ANKRD33B: variants seen among roughly 807,000 people sequenced by gnomAD.
ANKRD33B encodes the protein ankyrin repeat domain 33B.
In ANKRD33B, 6 loss-of-function variants were observed where a neutral mutation model predicts 21.5. The observed-to-expected ratio is 0.28, with a 90% CI of 0.15 to 0.55. The LOEUF (loss-of-function observed/expected upper bound fraction) is 0.55, where lower values mean the gene tolerates loss of function less well. Ranked by LOEUF, ANKRD33B falls within the 20% of genes least tolerant of loss-of-function variation. The pLI is 0.94. For missense variants in ANKRD33B, 698 were observed against 747.2 expected, an observed-to-expected ratio of 0.93 and a Z score of 0.77; for synonymous variants, 347 against 342.4, an observed-to-expected ratio of 1.01 and a Z score of -0.15.
chr5:10,648,751 T>G (rs183778314), intron 3 of ANKRD33B, among the ~76,000 whole-genome samples: 239 of 151,892 alleles, frequency 1.6e-3, no homozygotes, highest in Non-Finnish European at 2.8e-3. Flanking sequence ...AAGAGTGAAA[T>G]TCTGTCTCGA....
chr5:10,607,363 T>C (rs1560971890), intron 1 of ANKRD33B, among the ~76,000 whole-genome samples: 1 of 152,080 alleles, frequency 6.6e-6, no homozygotes, highest in Non-Finnish European at 1.5e-5. Context: ...TCAAGGGCAG[T>C]CAAGTCAAGA....
intron 1 of ANKRD33B, among the ~76,000 whole-genome samples, chr5:10,588,175 A>T (rs1011966898): frequency 6.6e-6 from 1 of 152,252 alleles, no homozygotes; most frequent in African/African-American, 2.4e-5. Flanking sequence ...CAAAGATGAT[A>T]AAAAAGTGAC....
chr5:10,605,716 A>G (rs537078377), intron 1 of ANKRD33B, among the ~76,000 whole-genome samples: 1 of 152,032 alleles, frequency 6.6e-6, no homozygotes, highest in South Asian at 2.1e-4. Flanking sequence ...ATTAGTAGAG[A>G]CAGGGTTTCA....
In ANKRD33B at chr5:10,576,230, T is replaced by G. The variant is rs1735318363; in HGVS notation, c.366+11397T>G. 6.6e-6 allele frequency among the ~76,000 whole-genome samples: 1 copy of G among 152,156 alleles called. No individual in the cohort carries two copies. Among genetic ancestry groups the G allele is most frequent in the Non-Finnish European group, 1.5e-5 (1 of 68,030 alleles). ...GCCTTGTTTCCATGAATCGATTGAATTTTGGACATGAAAGCAGGGTCAGAC... is the reference window on the plus strand; with the variant it reads ...GCCTTGTTTCCATGAATCGATTGAAGTTTGGACATGAAAGCAGGGTCAGAC... On this transcript the variant is annotated intron_variant, in intron 1 of 3. Coordinates refer to ENST00000296657, the MANE Select transcript of ANKRD33B (RefSeq NM_001164440.2). This position sits in a 1 kb window ranked among gnomAD's most constrained non-coding sequence, Gnocchi z 4.1.
At chr5:10,570,883 A>G (rs1211311066) in intron 1 of ANKRD33B, among the ~76,000 whole-genome samples, 2 of 148,754 alleles carry the variant, frequency 1.3e-5, no homozygotes. Flanking sequence ...CAGATTCTTT[A>G]ACAACATGAC....
At chr5:10,574,423 C>A (rs1481248945) in intron 1 of ANKRD33B, among the ~76,000 whole-genome samples, 1 of 151,436 alleles carries the variant, frequency 6.6e-6, no homozygotes, top group African/African-American at 2.4e-5. Flanking sequence ...AGATCTAACA[C>A]AATTCTAAAT....
At position 10,651,765 on chromosome 5, in the gene ANKRD33B, C is replaced by T. The variant is rs1737362238; in HGVS notation, c.*1652C>T. 6.6e-6 allele frequency: 1 copy of T among 152,432 alleles called. No individual in the cohort carries two copies. The highest frequency in any genetic ancestry group is 2.4e-5 in the African/African-American group (1 of 41,430). The allele number at this position is 152,432 out of a possible 1,614,324, so 9.4% of individuals were successfully genotyped here. On this transcript the variant is annotated 3_prime_UTR_variant, in exon 4 of 4. Coordinates refer to ENST00000296657, the MANE Select transcript of ANKRD33B (RefSeq NM_001164440.2). ...GTGCAGGCTTCTCCATACTCCCTTC[C>T]ACTTGGCACCAGCAGGCATCGAGCA...
chr5:10,644,864 C>G (rs1311232951), intron 3 of ANKRD33B, among the ~76,000 whole-genome samples: 1 of 151,824 alleles, frequency 6.6e-6, no homozygotes, highest in Non-Finnish European at 1.5e-5. Context: ...GGATGGTGGC[C>G]CCAGGAAGTG....
chr5:10,627,629 C>CAATG (rs1232967900), intron 2 of ANKRD33B: 1 of 152,258 alleles, frequency 6.6e-6, no homozygotes, highest in Non-Finnish European at 1.5e-5. Context: ...AACCCAGGAA[C>CAATG]AATGCCTCTT....
chr5:10,569,523 G>A (rs1196612265), intron 1 of ANKRD33B, among the ~76,000 whole-genome samples: 1 of 152,152 alleles, frequency 6.6e-6, no homozygotes, highest in East Asian at 1.9e-4. Context: ...TTGAGCCCAG[G>A]AGGTGGAGGT....
At chr5:10,599,918 C>T (rs1337668110) in intron 1 of ANKRD33B, among the ~76,000 whole-genome samples, 1 of 152,240 alleles carries the variant, frequency 6.6e-6, no homozygotes, top group Non-Finnish European at 1.5e-5. Flanking sequence ...AGCTATTTTC[C>T]ACAGTGGCTG....
intron 1 of ANKRD33B, among the ~76,000 whole-genome samples, chr5:10,575,338 A>C (rs936087006): frequency 2.0e-5 from 3 of 151,136 alleles, no homozygotes; most frequent in Non-Finnish European, 2.9e-5. Context: ...CAGGGGCAGA[A>C]TTGCTTGAAC....
In ANKRD33B at chr5:10,589,888, C is replaced by T. The variant is rs141499990; in HGVS notation, c.366+25055C>T. ...CCTATCCTGTGACACCAAATTCACACACATTAGACCTTTTATACCATGCTG... is the reference window on the plus strand; with the variant it reads ...CCTATCCTGTGACACCAAATTCACATACATTAGACCTTTTATACCATGCTG... On this transcript the variant is annotated intron_variant, in intron 1 of 3. Transcript: ENST00000296657. 9.0e-3 allele frequency among the ~76,000 whole-genome samples: 1,370 copies of T among 151,532 alleles called. 17 individuals are homozygous for T. The highest frequency in any genetic ancestry group is 0.027 in the Middle Eastern group (8 of 292).
Position 10,564,714 on chromosome 5 carries a change from G to A in ANKRD33B, c.247G>A (p.Val83Ile). ...ESVPEGVPES[V>I]PETATLLRAA... ...CGTCCCGGAGGGCGTCCCGGAAAGC[G>A]TCCCGGAGACGGCGACCCTCCTGCG... The change falls in exon 1 of 4, where the codon GTC (valine) becomes ATC (isoleucine). Residue 83 changes from valine to isoleucine, a missense_variant. Transcript: ENST00000296657. 2 of 1,533,560 alleles carry A rather than the reference G, an allele frequency of 1.3e-6. No individual in the cohort carries two copies. The highest frequency in any genetic ancestry group is 1.7e-6 in the Non-Finnish European group (2 of 1,145,762). 95.0% of individuals were successfully genotyped at this position (1,533,560 alleles called of 1,614,324 possible).
At chr5:10,641,170 G>A (rs1737045595) in intron 3 of ANKRD33B, among the ~76,000 whole-genome samples, 1 of 149,886 alleles carries the variant, frequency 6.7e-6, no homozygotes, top group Non-Finnish European at 1.5e-5. Context: ...CCCCTGCTGG[G>A]CTCCCACATT....
chr5:10,567,876 G>A (rs1010070586), intron 1 of ANKRD33B, among the ~76,000 whole-genome samples: 1 of 152,170 alleles, frequency 6.6e-6, no homozygotes, highest in Non-Finnish European at 1.5e-5. Context: ...GTGCAGTGGA[G>A]GGGTAATTGC....
At chr5:10,612,470 G>A (rs976344215) in intron 1 of ANKRD33B, among the ~76,000 whole-genome samples, 3 of 152,180 alleles carry the variant, frequency 2.0e-5, no homozygotes, top group Non-Finnish European at 2.9e-5. Context: ...TACCATCACC[G>A]TGAGGGTTAG....
chr5:10,649,509 G>A lies in ANKRD33B; in HGVS notation c.881G>A (p.Arg294His), dbSNP rs1737275012. 14 of 1,534,366 alleles carry A rather than the reference G, an allele frequency of 9.1e-6. No individual in the cohort carries two copies. The highest frequency in any genetic ancestry group is 6.0e-5 in the South Asian group (5 of 83,978). The change falls in exon 4 of 4, where the codon CGC becomes CAC. Residue 294 changes from arginine to histidine, a missense_variant. Coordinates refer to ENST00000296657, the MANE Select transcript of ANKRD33B (RefSeq NM_001164440.2). ...TDCVLSVLTP[R>H]SVRGPEDGGV... ...TGCGTGCTGTCCGTGCTGACGCCGC[G>A]CTCCGTGCGGGGCCCGGAGGACGGG...
intron 2 of ANKRD33B, among the ~76,000 whole-genome samples, chr5:10,633,251 G>A (rs998279752): frequency 3.9e-5 from 6 of 151,984 alleles, no homozygotes; most frequent in South Asian, 4.2e-4. Context: ...ACAGGTGCAC[G>A]CCACCACGCC....
Sources: allele counts gnomAD v4.1 joint callset (sites outside exome capture counted in the v4.1 genomes callset), GRCh38; gene constraint gnomAD v4.1.1; non-coding constraint Gnocchi (gnomAD v3.1); transcripts MANE v1.5; gene names NCBI Gene and HGNC (gene_info 2026-07-23, HGNC 2026-07-21).